The following MARCHF1 variants were observed in gnomAD, a reference collection of about 807,000 sequenced individuals.
MARCHF1 encodes E3 ubiquitin-protein ligase MARCHF1.
Under a neutral mutation model 54.2 loss-of-function variants are expected in MARCHF1, and 40 were observed. That is an observed-to-expected ratio of 0.74 (90% CI 0.57 to 0.96). The LOEUF is 0.96. Ranked by LOEUF, MARCHF1 falls within the 40% of genes least tolerant of loss-of-function variation. The probability of loss-of-function intolerance (pLI) is 0.00; values close to 1 mark genes in which losing one functional copy is unlikely to be tolerated. For synonymous variants in MARCHF1, 236 were observed against 236.3 expected, an observed-to-expected ratio of 1.00 and a Z score of 0.01; for missense variants, 586 against 656.5, an observed-to-expected ratio of 0.89 and a Z score of 1.17.
chr4:163,542,325 C>T (rs1738746134), intron 9 of MARCHF1, among the ~76,000 whole-genome samples: 1 of 152,218 alleles, frequency 6.6e-6, no homozygotes, highest in Admixed American at 6.5e-5. Flanking sequence ...CTTGCCTGGT[C>T]CCAGACCAGT....
chr4:163,962,060 T>C (rs1752354756), intron 3 of MARCHF1, among the ~76,000 whole-genome samples: 1 of 151,960 alleles, frequency 6.6e-6, no homozygotes, highest in Non-Finnish European at 1.5e-5. Flanking sequence ...CTTGCAAAAA[T>C]AGAACATTTT....
intron 4 of MARCHF1, among the ~76,000 whole-genome samples, chr4:163,723,114 T>C (rs924109954): frequency 1.4e-4 from 21 of 152,248 alleles, no homozygotes; most frequent in African/African-American, 5.1e-4. Flanking sequence ...AGTTTCTTCC[T>C]AGCCTCAGTG....
intron 1 of MARCHF1, among the ~76,000 whole-genome samples, chr4:164,138,509 T>A (rs1197545428): frequency 6.6e-6 from 1 of 152,180 alleles, no homozygotes; most frequent in Non-Finnish European, 1.5e-5. Flanking sequence ...TAGGTGTTCT[T>A]GGAGGACTTG....
At chr4:164,175,367 A>C (rs745452050) in intron 1 of MARCHF1, among the ~76,000 whole-genome samples, 6 of 152,212 alleles carry the variant, frequency 3.9e-5, no homozygotes, top group Non-Finnish European at 8.8e-5. Flanking sequence ...ATAAGTGGTC[A>C]CATTTGTTCT....
intron 4 of MARCHF1, among the ~76,000 whole-genome samples, chr4:163,819,325 C>T (rs1748628931): frequency 6.6e-6 from 1 of 152,004 alleles, no homozygotes; most frequent in Non-Finnish European, 1.5e-5. Flanking sequence ...TTGTGATGTC[C>T]CTTCTTCTGT....
chr4:164,290,052 C>A (rs2111363389), intron 1 of MARCHF1, among the ~76,000 whole-genome samples: 1 of 152,020 alleles, frequency 6.6e-6, no homozygotes, highest in Admixed American at 6.6e-5. Flanking sequence ...CACAGACACA[C>A]AATTTCTTTT....
At chr4:163,769,020 T>C (rs13146066) in intron 4 of MARCHF1, among the ~76,000 whole-genome samples, 52,308 of 152,044 alleles carry the variant, frequency 0.34, 11,049 homozygotes, top group Non-Finnish European at 0.49. Flanking sequence ...CAGCTAATAA[T>C]AAGGCCCATT....
intron 1 of MARCHF1, among the ~76,000 whole-genome samples, chr4:164,129,535 A>T (rs185546920): frequency 4.5e-4 from 68 of 152,320 alleles, no homozygotes; most frequent in African/African-American, 1.5e-3. Flanking sequence ...GGGATGGCAT[A>T]GTCTCAGAGA....
At chr4:163,978,800 G>T (rs2110860352) in intron 3 of MARCHF1, among the ~76,000 whole-genome samples, 1 of 152,090 alleles carries the variant, frequency 6.6e-6, no homozygotes, top group South Asian at 2.1e-4. Flanking sequence ...GTGGCTCACT[G>T]CAGCCTCCAA....
chr4:164,099,613 C>G (rs1313678021), intron 2 of MARCHF1, among the ~76,000 whole-genome samples: 1 of 151,864 alleles, frequency 6.6e-6, no homozygotes, highest in Non-Finnish European at 1.5e-5. Flanking sequence ...AAATTCAAAG[C>G]AGGACAAAAG....
At chr4:164,224,361 C>T (rs1006231200) in intron 1 of MARCHF1, among the ~76,000 whole-genome samples, 7 of 151,788 alleles carry the variant, frequency 4.6e-5, no homozygotes, top group African/African-American at 1.7e-4. Flanking sequence ...AATTGGACAT[C>T]CCTGACATCA....
intron 1 of MARCHF1, among the ~76,000 whole-genome samples, chr4:164,220,674 T>TAATATATATGATATATATGC (rs1341864113): frequency 1.9e-5 from 2 of 104,908 alleles, no homozygotes; most frequent in Non-Finnish European, 3.7e-5. Flanking sequence ...ATGCTATATG[T>TAATATATATGATATATATGC]ATATATGTAA....
At chr4:163,551,823 T>G (rs965139283) in intron 8 of MARCHF1, among the ~76,000 whole-genome samples, 1 of 152,202 alleles carries the variant, frequency 6.6e-6, no homozygotes, top group Non-Finnish European at 1.5e-5. Context: ...CCTGCTGCCG[T>G]GTAAGACATG....
chr4:163,684,628 A>G lies in MARCHF1; in HGVS notation c.162+16185T>C, dbSNP rs377350449. Among the ~76,000 whole-genome samples the G allele has an allele frequency of 1.8e-3, 276 of 152,346 alleles. 8 individuals carry two copies. The South Asian group carries it at 0.056, about 31-fold the overall frequency. ...CATGAAATGACCAATATCATGATCA[A>G]TATTTACTTCTTCTTGTTACCAGCA... On this transcript the variant is annotated intron_variant, in intron 5 of 9. Transcript: ENST00000514618.
intron 3 of MARCHF1, among the ~76,000 whole-genome samples, chr4:163,867,797 C>A (rs1215444002): frequency 2.1e-5 from 3 of 143,936 alleles, no homozygotes; most frequent in African/African-American, 7.5e-5. Flanking sequence ...ATAGCTATAT[C>A]AACTTTCATC....
At chr4:164,039,638 G>T (rs994753132) in intron 2 of MARCHF1, among the ~76,000 whole-genome samples, 2 of 152,004 alleles carry the variant, frequency 1.3e-5, no homozygotes, top group Non-Finnish European at 2.9e-5. Context: ...TCACTAGAAA[G>T]ACATAATCTT....
rs980204894 is a variant in MARCHF1, at chr4:163,527,540, A to G, written c.*1208T>C. ...CAGATTGATTGTTTTATCTTTCTAT[A>G]CTTTTGGATTTTTACCCTTTAGAGA... On this transcript the variant is annotated 3_prime_UTR_variant, in exon 10 of 10. Transcript: ENST00000514618. The G allele has an allele frequency of 2.6e-5, 4 of 152,044 alleles. No homozygotes were observed. Among genetic ancestry groups the G allele is most frequent in the Non-Finnish European group, 5.9e-5 (4 of 67,962 alleles). 9.4% of individuals were successfully genotyped at this position (152,044 alleles called of 1,614,324 possible). A position where few individuals can be genotyped will look rare whatever the true frequency, so the allele number is the denominator to read the frequency against.
intron 3 of MARCHF1, among the ~76,000 whole-genome samples, chr4:163,949,555 T>C (rs1278528198): frequency 6.6e-6 from 1 of 152,204 alleles, no homozygotes; most frequent in Non-Finnish European, 1.5e-5. Context: ...TCTTGTCTTG[T>C]GTCCAGAAAG....
intron 1 of MARCHF1, among the ~76,000 whole-genome samples, chr4:164,163,307 C>T (rs1312750908): frequency 6.6e-6 from 1 of 151,766 alleles, no homozygotes; most frequent in Non-Finnish European, 1.5e-5. Flanking sequence ...AAAATAAAGA[C>T]AGCATACAAG....
Sources: gnomAD v4.1 joint callset for allele counts (sites outside exome capture counted in the v4.1 genomes callset) on GRCh38, gnomAD v4.1.1 for gene constraint, MANE v1.5 for transcripts, NCBI Gene and HGNC (gene_info 2026-07-23, HGNC 2026-07-21) for gene names.